Variants in GRM7 observed in about 807,000 individuals in gnomAD.
GRM7 encodes the protein metabotropic glutamate receptor 7.
Under a neutral mutation model 84.5 loss-of-function variants are expected in GRM7, and 35 were observed. That is an observed-to-expected ratio of 0.41 (90% CI 0.32 to 0.55). The LOEUF is 0.55. GRM7 is among the 20% of genes least tolerant of loss of function. GRM7 has a pLI of 0.19. For missense variants in GRM7, 1,003 were observed against 1,194.6 expected (o/e 0.84, Z 2.36); for synonymous variants, 487 against 455.1 (o/e 1.07, Z -0.89).
intron 9 of GRM7, among the ~76,000 whole-genome samples, chr3:7,710,280 T>C (rs150916649): frequency 6.6e-6 from 1 of 152,256 alleles, no homozygotes; most frequent in East Asian, 1.9e-4. Context: ...ATGCAAAAGA[T>C]CTGAAGCTAT....
At chr3:6,873,765 G>A (rs1330832120) in intron 1 of GRM7, among the ~76,000 whole-genome samples, 9 of 152,174 alleles carry the variant, frequency 5.9e-5, no homozygotes, top group East Asian at 1.9e-4. Flanking sequence ...CAGAGCTTTT[G>A]CCTATGGTGG....
chr3:7,445,520 G>A (rs906465815), intron 5 of GRM7, among the ~76,000 whole-genome samples: 2 of 152,130 alleles, frequency 1.3e-5, no homozygotes, highest in African/African-American at 4.8e-5. Context: ...GTGAACCCCA[G>A]CATTCTTTTC....
intron 7 of GRM7, among the ~76,000 whole-genome samples, chr3:7,474,136 T>G (rs1057344191): frequency 1.3e-5 from 2 of 152,210 alleles, no homozygotes; most frequent in African/African-American, 4.8e-5. Flanking sequence ...TCTTTTGTAC[T>G]ATAACTTTCA....
chr3:7,295,694 A>G (rs1575132260), intron 2 of GRM7, among the ~76,000 whole-genome samples: 1 of 152,262 alleles, frequency 6.6e-6, no homozygotes, highest in South Asian at 2.1e-4. Context: ...TTTCGGTGAT[A>G]CTATTAAATG....
chr3:7,435,219 A>G (rs1465096228), intron 5 of GRM7, among the ~76,000 whole-genome samples: 1 of 151,462 alleles, frequency 6.6e-6, no homozygotes, highest in East Asian at 1.9e-4. Context: ...GCTGGAGTAC[A>G]GTGCCTTGAT....
At chr3:7,629,228 G>GTATATA (rs1697758111) in intron 8 of GRM7, among the ~76,000 whole-genome samples, 1 of 152,126 alleles carries the variant, frequency 6.6e-6, no homozygotes, top group Non-Finnish European at 1.5e-5. Flanking sequence ...GTAATAGATA[G>GTATATA]TACTATATAA....
chr3:7,271,450 T>C (rs1022479448), intron 2 of GRM7, among the ~76,000 whole-genome samples: 1 of 150,890 alleles, frequency 6.6e-6, no homozygotes, highest in South Asian at 2.1e-4. Context: ...TCCCAGCTAC[T>C]CGGGAGGCTG....
chr3:7,473,391 C>G (rs1430649948), intron 7 of GRM7, among the ~76,000 whole-genome samples: 3 of 151,796 alleles, frequency 2.0e-5, no homozygotes, highest in Admixed American at 1.3e-4. Context: ...CAGGAAGATC[C>G]TTTGAGCCCA....
intron 1 of GRM7, among the ~76,000 whole-genome samples, chr3:6,981,947 A>G (rs1694222935): frequency 6.6e-6 from 1 of 152,210 alleles, no homozygotes; most frequent in Non-Finnish European, 1.5e-5. Flanking sequence ...TTTACTGGGT[A>G]TATAAACAAA....
chr3:6,942,205 A>T (rs1422879720), intron 1 of GRM7, among the ~76,000 whole-genome samples: 1 of 151,858 alleles, frequency 6.6e-6, no homozygotes, highest in Non-Finnish European at 1.5e-5. Flanking sequence ...TTGTTTTTGT[A>T]AAGTGGCAAT....
At chr3:7,137,429 A>G (rs918085593) in intron 1 of GRM7, among the ~76,000 whole-genome samples, 8 of 152,056 alleles carry the variant, frequency 5.3e-5, no homozygotes, top group African/African-American at 1.7e-4. Context: ...GTTTATTTTT[A>G]ACAATGGCCA....
At chr3:7,677,635 T>C (rs1207543693) in intron 8 of GRM7, among the ~76,000 whole-genome samples, 1 of 152,192 alleles carries the variant, frequency 6.6e-6, no homozygotes, top group Non-Finnish European at 1.5e-5. Flanking sequence ...ATTTTTTAAA[T>C]GAAAATCAAA....
At chr3:7,369,418 T>C (rs1489190165) in intron 4 of GRM7, among the ~76,000 whole-genome samples, 1 of 152,026 alleles carries the variant, frequency 6.6e-6, no homozygotes, top group Non-Finnish European at 1.5e-5. Context: ...ATTCATTTTT[T>C]TTTTTTTTCC....
intron 2 of GRM7, among the ~76,000 whole-genome samples, chr3:7,215,216 T>A (rs1020021672): frequency 2.6e-5 from 4 of 152,180 alleles, no homozygotes; most frequent in African/African-American, 4.8e-5. Flanking sequence ...TCATTTCCGA[T>A]CATTACAAAT....
chr3:7,506,821 C>T (rs1700053184), intron 7 of GRM7, among the ~76,000 whole-genome samples: 1 of 152,104 alleles, frequency 6.6e-6, no homozygotes, highest in Admixed American at 6.6e-5. Flanking sequence ...CATTAATCCA[C>T]TAATCTACTC....
At chr3:7,708,577 A>G (rs143138311) in intron 9 of GRM7, among the ~76,000 whole-genome samples, 7 of 152,268 alleles carry the variant, frequency 4.6e-5, no homozygotes, top group Admixed American at 2.6e-4. Flanking sequence ...TTATACAGGT[A>G]CAGGGACAGG....
chr3:7,478,069 C>G (rs1698993188), intron 7 of GRM7, among the ~76,000 whole-genome samples: 1 of 152,058 alleles, frequency 6.6e-6, no homozygotes, highest in South Asian at 2.1e-4. Context: ...AATGACCCTT[C>G]TATCTCCCAG....
intron 8 of GRM7, among the ~76,000 whole-genome samples, chr3:7,652,241 T>TA (rs974686662): frequency 4.6e-5 from 7 of 151,980 alleles, no homozygotes; most frequent in African/African-American, 1.5e-4. Context: ...AAGACACAGG[T>TA]AAAAACAGGA....
chr3:7,680,151 C>G lies in GRM7; in HGVS notation c.2554C>G (p.Pro852Ala), dbSNP rs756834019. ...MPKVYIIIFH[P>A]ELNVQKRKRS... is the part of the protein sequence containing the mutation. Reference sequence around the variant, plus strand: ...GAAAGTGTACATCATCATTTTCCACCCTGAACTCAATGTCCAGAAACGGAA... The same window carrying G: ...GAAAGTGTACATCATCATTTTCCACGCTGAACTCAATGTCCAGAAACGGAA... Residue 852 changes from proline (P) to alanine (A), a missense_variant, in exon 9 of 10, where the codon CCT becomes GCT. By Grantham distance (27) the Pro-to-Ala change is conservative (BLOSUM62 -1). Around this residue, in one of 2 missense-constraint regions of GRM7, gnomAD observed 910 missense variants for 1,126.0 expected, o/e 0.81. Transcript: ENST00000357716. 6.2e-7 allele frequency: 1 copy of G among 1,613,984 alleles called. No individual in the cohort carries two copies. The highest frequency in any genetic ancestry group is 8.5e-7 in the Non-Finnish European group (1 of 1,179,994).
Sources: gnomAD v4.1 joint callset for allele counts (sites outside exome capture counted in the v4.1 genomes callset) on GRCh38, gnomAD v4.1.1 for gene constraint, gnomAD v4.1.1 regional missense constraint, MANE v1.5 for transcripts, NCBI Gene and HGNC (gene_info 2026-07-23, HGNC 2026-07-21) for gene names.